Variants in ANGPT1 observed in about 807,000 individuals in gnomAD.
The protein encoded by ANGPT1 is angiopoietin 1, also known as angiopoietin-1.
In ANGPT1, 17 loss-of-function variants were observed where a neutral mutation model predicts 62.2. That is an observed-to-expected ratio of 0.27 (90% CI 0.19 to 0.41). ANGPT1 has a LOEUF of 0.41. ANGPT1 is among the 10% of genes least tolerant of loss of function. The probability of loss-of-function intolerance (pLI) is 1.00; values close to 1 mark genes in which losing one functional copy is unlikely to be tolerated. For missense variants in ANGPT1, 478 were observed against 594.9 expected (o/e 0.80, Z 2.04); for synonymous variants, 199 against 198.9 (o/e 1.00, Z 0.00).
intron 8 of ANGPT1, among the ~76,000 whole-genome samples, chr8:107,255,276 A>C (rs1813331298): frequency 6.6e-6 from 1 of 152,198 alleles, no homozygotes; most frequent in Admixed American, 6.5e-5. Context: ...TTCACTGGAC[A>C]GAAAGAGCTT....
At position 107,284,771 on chromosome 8, in the gene ANGPT1, C is replaced by A; in HGVS notation, c.1116G>T (p.Met372Ile). The A allele has an allele frequency of 2.5e-6, 4 of 1,612,168 alleles. No individual in the cohort carries two copies. Among genetic ancestry groups the A allele is most frequent in the Non-Finnish European group, 2.5e-6 (3 of 1,178,774 alleles). The stretch of plus-strand genomic sequence containing the variant: ...CCCAGTCCATTAACTCAATTCTTAG[C>A]ATGTACTGCCTCTGACTGGTAATGG... The part of the protein sequence containing the change: ...IFAITSQRQY[M>I]LRIELMDWEG... Residue 372 changes from methionine (M) to isoleucine (I), a missense_variant, in exon 7 of 9, where the codon ATG becomes ATT. Physicochemically the swap from Met to Ile is conservative, Grantham distance 10 (BLOSUM62 1). Transcript: ENST00000517746.
intron 6 of ANGPT1, among the ~76,000 whole-genome samples, chr8:107,285,274 C>G (rs938649216): frequency 6.6e-6 from 1 of 152,070 alleles, no homozygotes; most frequent in African/African-American, 2.4e-5. Flanking sequence ...ATTATTTTTA[C>G]TATTATTATT....
chr8:107,483,443 A>C (rs567468694), intron 1 of ANGPT1, among the ~76,000 whole-genome samples: 1 of 152,214 alleles, frequency 6.6e-6, no homozygotes, highest in East Asian at 1.9e-4. Context: ...ACATTAGTTT[A>C]TCTTGACTGT....
chr8:107,439,585 A>G (rs1040203396), intron 1 of ANGPT1, among the ~76,000 whole-genome samples: 4 of 152,244 alleles, frequency 2.6e-5, no homozygotes, highest in African/African-American at 9.6e-5. Flanking sequence ...CCTGCTTCCA[A>G]TGCTAAACCA....
At chr8:107,459,787 A>G (rs1812019335) in intron 1 of ANGPT1, among the ~76,000 whole-genome samples, 1 of 152,222 alleles carries the variant, frequency 6.6e-6, no homozygotes, top group Non-Finnish European at 1.5e-5. Flanking sequence ...ATGTCATTGA[A>G]GTAGAGGGAA....
Position 107,377,698 on chromosome 8 carries a change from A to G in ANGPT1, c.298-30601T>C, listed in dbSNP as rs77247310. Among the ~76,000 whole-genome samples the G allele has an allele frequency of 4.8e-3, 726 of 152,314 alleles. 2 individuals are homozygous for G. The highest frequency in any genetic ancestry group is 8.8e-3 in the Non-Finnish European group (596 of 68,030). On this transcript the variant is annotated intron_variant, in intron 1 of 8. Transcript: ENST00000517746. ...TTGTCTCACCTATTTCCAGAAAAGG[A>G]GGTTAAAGCCAATGTTACATCACAA...
chr8:107,470,768 T>A (rs1812335642), intron 1 of ANGPT1, among the ~76,000 whole-genome samples: 1 of 152,094 alleles, frequency 6.6e-6, no homozygotes, highest in Non-Finnish European at 1.5e-5. Context: ...AAAGAAGACA[T>A]TTATCCAGCC....
chr8:107,257,894 TG>T lies in ANGPT1; in HGVS notation c.1337-5880del, dbSNP rs1446697295. ...TGTTTTTGTTTCTTTTTTGTTTGTT[TG>T]TTTGTTTGTTTGTTTTTGACTGTTC... On this transcript the variant is annotated intron_variant, in intron 8 of 8. Coordinates refer to ENST00000517746, the MANE Select transcript of ANGPT1 (RefSeq NM_001146.5). Among the ~76,000 whole-genome samples, 505 of 101,314 alleles carry T rather than the reference TG, an allele frequency of 5.0e-3. 19 individuals carry two copies. The highest frequency in any genetic ancestry group is 0.014 in the African/African-American group (426 of 30,050). The allele number at this position is 101,314 out of a possible 152,430, so 66.5% of individuals were successfully genotyped here.
chr8:107,314,388 G>A (rs2130030876), intron 4 of ANGPT1, among the ~76,000 whole-genome samples: 1 of 152,240 alleles, frequency 6.6e-6, no homozygotes, highest in East Asian at 1.9e-4. Flanking sequence ...TCCGAAAGAT[G>A]GGGTTTAGAA....
intron 8 of ANGPT1, among the ~76,000 whole-genome samples, chr8:107,261,554 A>C (rs1813491466): frequency 1.3e-5 from 2 of 152,008 alleles, no homozygotes; most frequent in Middle Eastern, 3.4e-3. Flanking sequence ...AAATACAAAA[A>C]ATTAGCCGGG....
At chr8:107,353,335 C>T (rs1444472012) in intron 1 of ANGPT1, among the ~76,000 whole-genome samples, 1 of 152,114 alleles carries the variant, frequency 6.6e-6, no homozygotes, top group Non-Finnish European at 1.5e-5. Flanking sequence ...CAGGTCATGG[C>T]CCCTCTGTGT....
intron 7 of ANGPT1, among the ~76,000 whole-genome samples, chr8:107,276,541 T>A (rs544119763): frequency 6.6e-6 from 1 of 152,186 alleles, no homozygotes; most frequent in South Asian, 2.1e-4. Context: ...TAAATTTACA[T>A]GGGAGGCTCG....
intron 1 of ANGPT1, among the ~76,000 whole-genome samples, chr8:107,388,885 C>T (rs932810059): frequency 6.6e-6 from 1 of 152,076 alleles, no homozygotes; most frequent in African/African-American, 2.4e-5. Flanking sequence ...TAAAGTATTA[C>T]CAGAAGGGCA....
chr8:107,358,170 A>G, intron 1 of ANGPT1, among the ~76,000 whole-genome samples: 1 of 152,160 alleles, frequency 6.6e-6, no homozygotes, highest in Non-Finnish European at 1.5e-5. Context: ...CAGGCATAAA[A>G]CTGTCAATGT....
At chr8:107,431,928 C>A (rs1279841689) in intron 1 of ANGPT1, among the ~76,000 whole-genome samples, 1 of 152,064 alleles carries the variant, frequency 6.6e-6, no homozygotes, top group Non-Finnish European at 1.5e-5. Context: ...ATATTACCAG[C>A]CTCAATATTT....
At chr8:107,355,220 G>C (rs1236986340) in intron 1 of ANGPT1, among the ~76,000 whole-genome samples, 1 of 151,922 alleles carries the variant, frequency 6.6e-6, no homozygotes, top group Non-Finnish European at 1.5e-5. Context: ...TCTCTTGAAG[G>C]CTGCCTAGGT....
chr8:107,351,554 ATATAT>A (rs955927306), intron 1 of ANGPT1, among the ~76,000 whole-genome samples: 5 of 151,478 alleles, frequency 3.3e-5, no homozygotes, highest in Non-Finnish European at 5.9e-5. Flanking sequence ...CATTATTATA[ATATAT>A]TATAACATAC....
At chr8:107,351,875 C>T (rs1480864612) in intron 1 of ANGPT1, among the ~76,000 whole-genome samples, 1 of 152,100 alleles carries the variant, frequency 6.6e-6, no homozygotes, top group African/African-American at 2.4e-5. Context: ...ATACACAAAG[C>T]CTCTACAAAG....
intron 1 of ANGPT1, among the ~76,000 whole-genome samples, chr8:107,483,567 G>A (rs539074712): frequency 6.6e-5 from 10 of 151,882 alleles, no homozygotes; most frequent in African/African-American, 2.4e-4. Flanking sequence ...TTATCATACT[G>A]ATGAACTTTT....
Sources: allele counts gnomAD v4.1 joint callset (sites outside exome capture counted in the v4.1 genomes callset), GRCh38; gene constraint gnomAD v4.1.1; transcripts MANE v1.5; gene names NCBI Gene and HGNC (gene_info 2026-07-23, HGNC 2026-07-21).